The following CTNND2 variants were observed in gnomAD, a reference collection of about 807,000 sequenced individuals.
CTNND2 encodes catenin delta 2.
In CTNND2, 22 loss-of-function variants were observed where a neutral mutation model predicts 144.4. That is an observed-to-expected ratio of 0.15 (90% CI 0.11 to 0.22). CTNND2 has a LOEUF of 0.22. CTNND2 is among the 10% of genes least tolerant of loss of function. The probability of loss-of-function intolerance (pLI) is 1.00; values close to 1 mark genes in which losing one functional copy is unlikely to be tolerated. For synonymous variants in CTNND2, 751 were observed against 695.6 expected (o/e 1.08, Z -1.25); for missense variants, 1,353 against 1,618.8 (o/e 0.84, Z 2.82).
rs538845160 is a variant in CTNND2 at position 11,193,595 on chromosome 5, C to A, written c.1975+5853G>T. Among the ~76,000 whole-genome samples the A allele has an allele frequency of 1.1e-4, 16 of 152,248 alleles. No homozygotes were observed. In the South Asian group the frequency reaches 3.1e-3, roughly 30 times the overall value. ...TGGTTTAAATAATTTGCTCCTCTGA[C>A]CCCTTTTGGTGCCTCTTGGTGTAAT... is the stretch of plus-strand genomic sequence containing the variant. On this transcript the variant is annotated intron_variant, in intron 11 of 21. Coordinates refer to ENST00000304623, the MANE Select transcript of CTNND2 (RefSeq NM_001332.4).
intron 2 of CTNND2, among the ~76,000 whole-genome samples, chr5:11,637,643 G>C (rs759555872): frequency 1.3e-5 from 2 of 152,004 alleles, no homozygotes; most frequent in African/African-American, 2.4e-5. Context: ...TCATAATAAT[G>C]ACATTTATAT....
At chr5:11,812,574 G>A (rs57656430) in intron 1 of CTNND2, among the ~76,000 whole-genome samples, 12,966 of 152,064 alleles carry the variant, frequency 0.085, 1,610 homozygotes, top group African/African-American at 0.27. Flanking sequence ...GGGGAGGTAC[G>A]CTGCCCCATC....
chr5:11,617,734 T>C (rs1455483285), intron 2 of CTNND2, among the ~76,000 whole-genome samples: 1 of 152,192 alleles, frequency 6.6e-6, no homozygotes, highest in African/African-American at 2.4e-5. Flanking sequence ...GGGCACACAC[T>C]GGGTCAAAGT....
At chr5:11,036,855 A>G (rs545977284) in intron 16 of CTNND2, among the ~76,000 whole-genome samples, 1 of 152,198 alleles carries the variant, frequency 6.6e-6, no homozygotes, top group East Asian at 1.9e-4. Context: ...ATTTGGTTTA[A>G]TACTATGTTG....
chr5:11,130,026 A>AT (rs200112351), intron 12 of CTNND2, among the ~76,000 whole-genome samples: 5 of 151,718 alleles, frequency 3.3e-5, no homozygotes, highest in East Asian at 1.9e-4. Flanking sequence ...AGTTTCCCTA[A>AT]TTTTTTTTTA....
At chr5:11,700,300 G>C (rs1785367430) in intron 2 of CTNND2, among the ~76,000 whole-genome samples, 2 of 152,122 alleles carry the variant, frequency 1.3e-5, no homozygotes, top group South Asian at 4.1e-4. Flanking sequence ...TGAGGCAGGA[G>C]AATTGCATGA....
intron 1 of CTNND2, among the ~76,000 whole-genome samples, chr5:11,854,478 C>T (rs1795162414): frequency 1.3e-5 from 2 of 152,158 alleles, no homozygotes; most frequent in Non-Finnish European, 2.9e-5. Context: ...TATTTATTTA[C>T]TTTATAAATT....
At chr5:11,036,285 A>G (rs1042447423) in intron 16 of CTNND2, among the ~76,000 whole-genome samples, 3 of 152,172 alleles carry the variant, frequency 2.0e-5, no homozygotes, top group African/African-American at 7.2e-5. Flanking sequence ...CCGTTTTATT[A>G]TAAATATTAT....
chr5:11,339,869 C>T (rs1754067491), intron 9 of CTNND2, among the ~76,000 whole-genome samples: 2 of 152,128 alleles, frequency 1.3e-5, no homozygotes, highest in South Asian at 2.1e-4. Flanking sequence ...ATCAAGCTAC[C>T]CAGAGATATT....
intron 9 of CTNND2, among the ~76,000 whole-genome samples, chr5:11,301,134 A>T (rs368118508): frequency 2.0e-4 from 31 of 151,918 alleles, no homozygotes; most frequent in African/African-American, 7.3e-4. Flanking sequence ...CTCCTATGTC[A>T]GCCTCCCAAG....
At chr5:11,763,758 A>G (rs78680339) in intron 1 of CTNND2, among the ~76,000 whole-genome samples, 3 of 152,292 alleles carry the variant, frequency 2.0e-5, no homozygotes, top group Non-Finnish European at 2.9e-5. Flanking sequence ...ATGAGCTTCA[A>G]TGAGTACAGT....
rs552937482 is a variant in CTNND2 at position 11,281,796 on chromosome 5, T to G, written c.1629-44973A>C. On this transcript the variant is annotated intron_variant, in intron 9 of 21. Transcript: ENST00000304623. ...TTATAAGGACACCAGGCAGATTGGG[T>G]GACGGCCAATTTTCACTGCCTCATC... 7.9e-5 allele frequency among the ~76,000 whole-genome samples: 12 copies of G among 152,304 alleles called. No homozygotes were observed. The South Asian group carries it at 2.1e-3, about 26-fold the overall frequency.
At chr5:11,696,939 T>G (rs1188111265) in intron 2 of CTNND2, among the ~76,000 whole-genome samples, 1 of 152,228 alleles carries the variant, frequency 6.6e-6, no homozygotes, top group Non-Finnish European at 1.5e-5. Context: ...ACCCTTGCCT[T>G]AAACACCTGG....
Position 11,696,970 on chromosome 5 carries a change from C to T in CTNND2, c.174+35166G>A, listed in dbSNP as rs113553059. The stretch of plus-strand genomic sequence containing the variant: ...CCTGGGCAATATCACACTATCCATG[C>T]TATTTTAAATGATAGATATTCAGAA... On this transcript the variant is annotated intron_variant, in intron 2 of 21. Coordinates refer to ENST00000304623, the MANE Select transcript of CTNND2 (RefSeq NM_001332.4). 6.4e-3 allele frequency among the ~76,000 whole-genome samples: 970 copies of T among 152,156 alleles called. 10 individuals are homozygous for T. Among genetic ancestry groups the T allele is most frequent in the African/African-American group, 0.022 (910 of 41,494 alleles).
In CTNND2 at chr5:11,551,461, G is replaced by A. The variant is rs1417199051; in HGVS notation, c.287+13483C>T. ...TTTTTTTTTTTTTTTTTTGATAAGGGGGTCTCACTCTGTTACCCAGGCTGG... is the reference window on the plus strand; with the variant it reads ...TTTTTTTTTTTTTTTTTTGATAAGGAGGTCTCACTCTGTTACCCAGGCTGG... On this transcript the variant is annotated intron_variant, in intron 3 of 21. Coordinates refer to ENST00000304623, the MANE Select transcript of CTNND2 (RefSeq NM_001332.4). 5.0e-5 allele frequency among the ~76,000 whole-genome samples: 7 copies of A among 139,394 alleles called. No homozygotes were observed. In the East Asian group the frequency reaches 1.0e-3, roughly 20 times the overall value. The allele number at this position is 139,394 out of a possible 152,430, so 91.4% of individuals were successfully genotyped here. A position where few individuals can be genotyped will look rare whatever the true frequency, so the allele number is the denominator to read the frequency against.
intron 2 of CTNND2, among the ~76,000 whole-genome samples, chr5:11,715,423 T>C (rs1237780077): frequency 6.6e-6 from 1 of 152,214 alleles, no homozygotes; most frequent in Non-Finnish European, 1.5e-5. Flanking sequence ...GGTGGGCACA[T>C]TCTGATGAAT....
At chr5:11,022,548 G>A (rs150268212) in intron 17 of CTNND2, among the ~76,000 whole-genome samples, 9 of 152,274 alleles carry the variant, frequency 5.9e-5, no homozygotes, top group East Asian at 1.9e-4. Flanking sequence ...AACTCGTGTC[G>A]CTGCCATGTG....
At chr5:11,553,780 T>C (rs1227899682) in intron 3 of CTNND2, among the ~76,000 whole-genome samples, 1 of 152,134 alleles carries the variant, frequency 6.6e-6, no homozygotes, top group East Asian at 1.9e-4. Flanking sequence ...GATTAGAATA[T>C]TAAATTTCAA....
At chr5:11,054,621 C>T (rs1746169496) in intron 16 of CTNND2, among the ~76,000 whole-genome samples, 1 of 152,054 alleles carries the variant, frequency 6.6e-6, no homozygotes, top group Non-Finnish European at 1.5e-5. Flanking sequence ...CCCAGCTCCT[C>T]CTTGAAGACC....
Sources: allele counts gnomAD v4.1 joint callset (sites outside exome capture counted in the v4.1 genomes callset), GRCh38; gene constraint gnomAD v4.1.1; transcripts MANE v1.5; gene names NCBI Gene and HGNC (gene_info 2026-07-23, HGNC 2026-07-21).